The following JKAMP variants were observed in gnomAD, a reference collection of about 807,000 sequenced individuals.
JKAMP encodes the protein JNK1/MAPK8-associated membrane protein.
Under a neutral mutation model 40.2 loss-of-function variants are expected in JKAMP, and 20 were observed. The ratio of observed to expected loss-of-function variants is 0.50; its 90% CI spans 0.35 to 0.72. The LOEUF is 0.72. Ranked by LOEUF, JKAMP falls within the 30% of genes least tolerant of loss-of-function variation. The pLI, the probability that JKAMP is intolerant of heterozygous loss-of-function variation, is 0.01. For missense variants in JKAMP, 276 were observed against 373.0 expected, an observed-to-expected ratio of 0.74 and a Z score of 2.14; for synonymous variants, 138 against 131.6, an observed-to-expected ratio of 1.05 and a Z score of -0.33.
chr14:59,487,344 G>A (rs10137509), intron 2 of JKAMP: 46,046 of 173,430 alleles, frequency 0.27, 6,429 homozygotes, highest in South Asian at 0.41. Flanking sequence ...ATTTGGTACC[G>A]TGTCTTGTAC....
intron 3 of JKAMP, among the ~76,000 whole-genome samples, chr14:59,489,030 A>G (rs1313917991): frequency 6.6e-6 from 1 of 152,232 alleles, no homozygotes; most frequent in Non-Finnish European, 1.5e-5. Flanking sequence ...CCTTTTTCTC[A>G]TTGTGTTGGC....
chr14:59,489,095 C>T (rs1410965218), intron 3 of JKAMP, among the ~76,000 whole-genome samples: 2 of 152,264 alleles, frequency 1.3e-5, no homozygotes, highest in African/African-American at 4.8e-5. Context: ...AGTTGCTGTA[C>T]AGCCTGGTTG....
chr14:59,502,750 ATTTT>A (rs760030560), intron 6 of JKAMP, among the ~76,000 whole-genome samples: 102 of 4,916 alleles, frequency 0.021, 1 homozygote, highest in African/African-American at 0.035. Context: ...ATAAAATGAG[ATTTT>A]TTTTTTTTTT....
chr14:59,493,345 G>A (rs1891178840), intron 3 of JKAMP, among the ~76,000 whole-genome samples: 1 of 152,212 alleles, frequency 6.6e-6, no homozygotes, highest in African/African-American at 2.4e-5. Context: ...CTGCAGCCAT[G>A]TGAGTTAGTC....
chr14:59,497,333 C>A (rs1446816888), intron 4 of JKAMP, among the ~76,000 whole-genome samples: 3 of 152,116 alleles, frequency 2.0e-5, no homozygotes, highest in Non-Finnish European at 4.4e-5. Flanking sequence ...TTTAAACTAT[C>A]CCCACATGTA....
chr14:59,491,197 G>T (rs1476036578), intron 3 of JKAMP, among the ~76,000 whole-genome samples: 5 of 152,192 alleles, frequency 3.3e-5, no homozygotes, highest in Admixed American at 2.0e-4. Flanking sequence ...TGGCAGATAG[G>T]TAAAATGTGT....
At chr14:59,494,832 G>A (rs1043819045) in intron 3 of JKAMP, among the ~76,000 whole-genome samples, 186 bp from the exon 4 acceptor site, 2 of 152,074 alleles carry the variant, frequency 1.3e-5, no homozygotes, top group Non-Finnish European at 2.9e-5. Flanking sequence ...CTGCTTTTCT[G>A]TTACACATTT....
chr14:59,494,097 T>A (rs1156701895), intron 3 of JKAMP, among the ~76,000 whole-genome samples: 6 of 145,118 alleles, frequency 4.1e-5, no homozygotes, highest in Non-Finnish European at 7.5e-5. Flanking sequence ...AAGCAAAACC[T>A]TAAAATTTTT....
intron 3 of JKAMP, among the ~76,000 whole-genome samples, chr14:59,493,176 AGG>A (rs1891162923): frequency 6.6e-6 from 1 of 152,210 alleles, no homozygotes; most frequent in South Asian, 2.1e-4. Flanking sequence ...AGATCCCAGA[AGG>A]AAAACACATC....
intron 3 of JKAMP, 121 bp from the exon 4 acceptor site, chr14:59,494,896 CG>C: frequency 1.5e-6 from 1 of 672,158 alleles, no homozygotes; most frequent in African/African-American, 1.8e-5. Flanking sequence ...AGGTTATACT[CG>C]AGTAGTTTTT....
rs76472382 is a variant in JKAMP at position 59,487,667 on chromosome 14, A to T, written c.97-7A>T. 120 of 1,608,014 alleles carry T rather than the reference A, an allele frequency of 7.5e-5. 6 individuals carry two copies. The South Asian group carries it at 1.3e-3, about 17-fold the overall frequency. On this transcript the variant is annotated splice_region_variant and splice_polypyrimidine_tract_variant and intron_variant, in intron 2 of 6. Coordinates refer to ENST00000616435, the MANE Select transcript of JKAMP (RefSeq NM_016475.5). The stretch of plus-strand genomic sequence containing the variant: ...TGTACACAAAATATTGGTTTTATAT[A>T]TTATAGGTATGCCCAAGAGGACAGA...
chr14:59,501,690 GTT>G (rs1891892977), intron 6 of JKAMP, among the ~76,000 whole-genome samples: 1 of 152,070 alleles, frequency 6.6e-6, no homozygotes, highest in African/African-American at 2.4e-5. Context: ...ATCCTTCTGT[GTT>G]TTATCACAAA....
chr14:59,484,865 T>C lies in JKAMP; in HGVS notation c.4+272T>C. The C allele has an allele frequency of 1.7e-6, 2 of 1,173,910 alleles. 1 individual carries two copies. Among genetic ancestry groups the C allele is most frequent in the Non-Finnish European group, 2.3e-6 (2 of 859,236 alleles). 72.7% of individuals were successfully genotyped at this position (1,173,910 alleles called of 1,614,324 possible). On this transcript the variant is annotated intron_variant, in intron 1 of 6. Coordinates refer to ENST00000616435, the MANE Select transcript of JKAMP (RefSeq NM_016475.5). Reference sequence around the variant, plus strand: ...ATGTCTCTTCAGTCCCTTAGTTTAATGTCGAGGGAACACTTGCTTGAGGGT... The same window carrying C: ...ATGTCTCTTCAGTCCCTTAGTTTAACGTCGAGGGAACACTTGCTTGAGGGT...
At chr14:59,484,683 G>A (rs997603033) in intron 1 of JKAMP, 90 bp downstream of exon 1, 1 of 1,469,828 alleles carries the variant, frequency 6.8e-7, no homozygotes, top group Non-Finnish European at 9.3e-7. Context: ...CTTTGTAGGC[G>A]GCCTTCGGTT....
At position 59,486,236 on chromosome 14, in the gene JKAMP, TTC is replaced by T. The variant is rs1303000121; in HGVS notation, c.5-471_5-470del. ...TGCATACCTCTGTTATGAAATTATG[TTC>T]TCTCTGCTTTTCCCATGTGAAAATG... On this transcript the variant is annotated intron_variant, in intron 1 of 6. Transcript: ENST00000616435. Among the ~76,000 whole-genome samples the T allele has an allele frequency of 4.6e-5, 7 of 152,234 alleles. No homozygotes were observed. The East Asian group carries it at 9.6e-4, about 21-fold the overall frequency.
chr14:59,496,849 AT>A (rs1226925637), intron 4 of JKAMP, among the ~76,000 whole-genome samples: 7 of 152,210 alleles, frequency 4.6e-5, no homozygotes, highest in African/African-American at 1.7e-4. Flanking sequence ...CAAAACAGTG[AT>A]TTTTAAAATT....
chr14:59,490,989 G>T lies in JKAMP; in HGVS notation c.251+3161G>T, dbSNP rs536205187. Among the ~76,000 whole-genome samples the T allele has an allele frequency of 1.1e-4, 16 of 152,352 alleles. No homozygotes were observed. In the South Asian group the frequency reaches 3.3e-3, roughly 32 times the overall value. ...GAGTGACTAATGCTCAGACAGGAAA[G>T]GAGGTGGGTTTAAAAAGAGGGAGTT... On this transcript the variant is annotated intron_variant, in intron 3 of 6. Transcript: ENST00000616435.
Position 59,484,683 on chromosome 14 carries a change from G to C in JKAMP, c.4+90G>C, listed in dbSNP as rs997603033. ...GCCTCGGGCTCGGCTCTTTGTAGGCGGCCTTCGGTTGGCGGCGCAGGCTCG... is the reference window on the plus strand; with the variant it reads ...GCCTCGGGCTCGGCTCTTTGTAGGCCGCCTTCGGTTGGCGGCGCAGGCTCG... On this transcript the variant is annotated intron_variant, in intron 1 of 6. Coordinates refer to ENST00000616435, the MANE Select transcript of JKAMP (RefSeq NM_016475.5). The C allele has an allele frequency of 3.3e-5, 48 of 1,469,710 alleles. No individual in the cohort carries two copies. In the African/African-American group the frequency reaches 5.2e-4, roughly 16 times the overall value. 91.0% of individuals were successfully genotyped at this position (1,469,710 alleles called of 1,614,324 possible).
In JKAMP at chr14:59,504,576, T is replaced by C. The variant is rs1465472659; in HGVS notation, c.*504T>C. 1 of 153,168 alleles carries C rather than the reference T, an allele frequency of 6.5e-6. No individual in the cohort carries two copies. The highest frequency in any genetic ancestry group is 1.5e-5 in the Non-Finnish European group (1 of 68,438). 9.5% of individuals were successfully genotyped at this position (153,168 alleles called of 1,614,324 possible). On this transcript the variant is annotated 3_prime_UTR_variant, in exon 7 of 7. Coordinates refer to ENST00000616435, the MANE Select transcript of JKAMP (RefSeq NM_016475.5). ...TTTGTTATCTATTTATTTTCATCAA[T>C]ACAGTATTTTGATGTATTGCAAAAA...
Sources: allele counts gnomAD v4.1 joint callset (sites outside exome capture counted in the v4.1 genomes callset), GRCh38; gene constraint gnomAD v4.1.1; transcripts MANE v1.5; gene names NCBI Gene and HGNC (gene_info 2026-07-23, HGNC 2026-07-21).